The following RYR1 variants were observed in gnomAD, a reference collection of about 807,000 sequenced individuals.
RYR1 encodes ryanodine receptor 1.
Under a neutral mutation model 583.5 loss-of-function variants are expected in RYR1, and 342 were observed. The observed-to-expected ratio is 0.59, with a 90% CI of 0.54 to 0.64. RYR1 has a LOEUF of 0.64. Among genes scored for constraint, RYR1 ranks in the 30% least tolerant of loss-of-function variants. RYR1 has a pLI of 0.00. For missense variants in RYR1, 6,032 were observed against 6,917.2 expected (o/e 0.87, Z 4.54); for synonymous variants, 2,791 against 2,822.5 (o/e 0.99, Z 0.35).
chr19:38,584,731 C>A (rs1033919868), intron 101 of RYR1, among the ~76,000 whole-genome samples: 1 of 148,956 alleles, frequency 6.7e-6, no homozygotes, highest in African/African-American at 2.5e-5. Context: ...CCCAACCTGG[C>A]CCTCACCCCC....
chr19:38,527,644 C>A lies in RYR1; in HGVS notation c.10687-3C>A. The A allele has an allele frequency of 1.2e-6, 2 of 1,614,056 alleles. No homozygotes were observed. The highest frequency in any genetic ancestry group is 1.7e-6 in the Non-Finnish European group (2 of 1,180,010). ...GCCGGCCACTCCTTCTTCCTCCCTT[C>A]AGGTCGAAGGCTCCCCGTCTCTGCG... On this transcript the variant is annotated splice_polypyrimidine_tract_variant and splice_region_variant and intron_variant, in intron 72 of 105. Transcript: ENST00000359596.
At chr19:38,586,335 G>A (rs942125011) in intron 104 of RYR1, 144 bp downstream of exon 104, 6 of 1,103,356 alleles carry the variant, frequency 5.4e-6, no homozygotes, top group Admixed American at 3.9e-5. Flanking sequence ...GAAGGTAAGG[G>A]TGGGGCCCCG....
In RYR1 at chr19:38,561,025, A is replaced by G; in HGVS notation, c.12283-88A>G. 7.9e-7 allele frequency: 1 copy of G among 1,259,228 alleles called. No individual in the cohort carries two copies. The allele number at this position is 1,259,228 out of a possible 1,614,324, so 78.0% of individuals were successfully genotyped here. ...CACTGCACTCCAGCCTGGGCGACACAGCGAGACCTTGTCTTAAAAAAAAAA... is the reference window on the plus strand; with the variant it reads ...CACTGCACTCCAGCCTGGGCGACACGGCGAGACCTTGTCTTAAAAAAAAAA... On this transcript the variant is annotated intron_variant, in intron 89 of 105. Transcript: ENST00000359596. The surrounding 1 kb of genome is among the most constrained non-coding windows in gnomAD (Gnocchi z 4.8).
chr19:38,515,678 G>T (rs182641800), intron 64 of RYR1, among the ~76,000 whole-genome samples: 1 of 151,976 alleles, frequency 6.6e-6, no homozygotes, highest in South Asian at 2.1e-4. Flanking sequence ...GTGTAGTGGC[G>T]CTGGTGCCTG....
At position 38,565,893 on chromosome 19, in the gene RYR1, C is replaced by T. The variant is rs1045179818; in HGVS notation, c.13437+122C>T. The T allele has an allele frequency of 1.7e-6, 2 of 1,144,762 alleles. No individual in the cohort carries two copies. The highest frequency in any genetic ancestry group is 3.2e-5 in the East Asian group (1 of 31,320). The allele number at this position is 1,144,762 out of a possible 1,614,324, so 70.9% of individuals were successfully genotyped here. On this transcript the variant is annotated intron_variant, in intron 91 of 105. Transcript: ENST00000359596. The surrounding 1 kb of genome is among the most constrained non-coding windows in gnomAD (Gnocchi z 4.7). ...CTGGCTAGGGGGATGGGCACACGCACCCACGGAGGACGCACCCATGGAGGA... is the reference window on the plus strand; with the variant it reads ...CTGGCTAGGGGGATGGGCACACGCATCCACGGAGGACGCACCCATGGAGGA...
chr19:38,561,062 G>T lies in RYR1; in HGVS notation c.12283-51G>T. On this transcript the variant is annotated intron_variant, in intron 89 of 105. Coordinates refer to ENST00000359596, the MANE Select transcript of RYR1 (RefSeq NM_000540.3). This position sits in a 1 kb window ranked among gnomAD's most constrained non-coding sequence, Gnocchi z 4.8. ...TCTTAAAAAAAAAAAAAAAAAGAGA[G>T]AGAATTGAGGCTCTCCAGGTCACCC... 5.7e-6 allele frequency: 8 copies of T among 1,406,732 alleles called. No homozygotes were observed. The highest frequency in any genetic ancestry group is 6.9e-6 in the Non-Finnish European group (7 of 1,015,540). 87.1% of individuals were successfully genotyped at this position (1,406,732 alleles called of 1,614,324 possible). A position where few individuals can be genotyped will look rare whatever the true frequency, so the allele number is the denominator to read the frequency against.
intron 70 of RYR1, 136 bp from the exon 71 acceptor site, chr19:38,525,196 A>C (rs762672757): frequency 6.2e-6 from 6 of 963,672 alleles, no homozygotes; most frequent in Non-Finnish European, 9.7e-6. Context: ...TGGGGTGGAA[A>C]TTGAGGTGTC....
chr19:38,452,488 C>T (rs934055990), intron 12 of RYR1, among the ~76,000 whole-genome samples: 17 of 152,220 alleles, frequency 1.1e-4, no homozygotes, highest in Admixed American at 1.1e-3. Context: ...GACCTCTGTA[C>T]ACTTGACCCC....
intron 10 of RYR1, 27 bp downstream of exon 10, chr19:38,448,538 T>C: frequency 6.2e-7 from 1 of 1,613,918 alleles, no homozygotes; most frequent in South Asian, 1.1e-5. Context: ...GCGCCCTCCC[T>C]CACCTGAAGC....
intron 84 of RYR1, among the ~76,000 whole-genome samples, chr19:38,541,143 A>G (rs1972172685): frequency 6.6e-6 from 1 of 152,224 alleles, no homozygotes; most frequent in African/African-American, 2.4e-5. Flanking sequence ...GAGCTTTAAA[A>G]GAGACTTAAG....
chr19:38,502,828 C>A (rs907621960), intron 48 of RYR1, 52 bp from the exon 49 acceptor site: 1 of 1,535,430 alleles, frequency 6.5e-7, no homozygotes, highest in Non-Finnish European at 8.8e-7. Context: ...GGGGCAGGGG[C>A]AGCAGAGCGG....
intron 11 of RYR1, among the ~76,000 whole-genome samples, chr19:38,449,188 G>A (rs187979219): frequency 1.3e-5 from 2 of 152,308 alleles, no homozygotes; most frequent in Non-Finnish European, 2.9e-5. Context: ...GGCCGGGCGT[G>A]GTGGCTCATG....
At position 38,455,218 on chromosome 19, in the gene RYR1, T is replaced by C. The variant is rs1278058899; in HGVS notation, c.1441-17T>C. 6.2e-7 allele frequency: 1 copy of C among 1,613,968 alleles called. No homozygotes were observed. On this transcript the variant is annotated splice_polypyrimidine_tract_variant and intron_variant, in intron 13 of 105. Coordinates refer to ENST00000359596, the MANE Select transcript of RYR1 (RefSeq NM_000540.3). ...CTGGGTCTCCTATTGTGATGCCTCT[T>C]ATTTTCCTCATCCTAGGGGATGCTC...
rs1972858176 is a variant in RYR1, at chr19:38,444,733, G to A, written c.631+56G>A. On this transcript the variant is annotated intron_variant, in intron 7 of 105. Coordinates refer to ENST00000359596, the MANE Select transcript of RYR1 (RefSeq NM_000540.3). This position sits in a 1 kb window ranked among gnomAD's most constrained non-coding sequence, Gnocchi z 5.1. ...GATCCCCCCAAAACAGACCCTTAAT[G>A]TTGCCCTTCAGGCATACCCAAATGG... 1 of 1,366,432 alleles carries A rather than the reference G, an allele frequency of 7.3e-7. No homozygotes were observed. Among genetic ancestry groups the A allele is most frequent in the Non-Finnish European group, 1.0e-6 (1 of 975,656 alleles). 84.6% of individuals were successfully genotyped at this position (1,366,432 alleles called of 1,614,324 possible). A position where few individuals can be genotyped will look rare whatever the true frequency, so the allele number is the denominator to read the frequency against.
chr19:38,448,323 C>T (rs1471744035), intron 9 of RYR1, 32 bp from the exon 10 acceptor site: 2 of 1,597,606 alleles, frequency 1.3e-6, no homozygotes, highest in Non-Finnish European at 1.7e-6. Flanking sequence ...CTGGGGGGTC[C>T]TCTGACTCCC....
intron 101 of RYR1, among the ~76,000 whole-genome samples, chr19:38,583,897 C>G (rs1314317808): frequency 6.6e-6 from 1 of 152,100 alleles, no homozygotes; most frequent in East Asian, 1.9e-4. Flanking sequence ...CAGGCCCTGC[C>G]TCATCTCTCC....
At chr19:38,536,495 A>C in intron 82 of RYR1, among the ~76,000 whole-genome samples, 1 of 147,412 alleles carries the variant, frequency 6.8e-6, no homozygotes. Flanking sequence ...CTATGTCTTC[A>C]TCTCTCTCTC....
At chr19:38,559,469 G>A (rs371792897) in intron 89 of RYR1, among the ~76,000 whole-genome samples, 1 of 151,820 alleles carries the variant, frequency 6.6e-6, no homozygotes, top group East Asian at 1.9e-4. Flanking sequence ...CCTGACCTCA[G>A]GTGATCCACC....
At position 38,473,621 on chromosome 19, in the gene RYR1, C is replaced by T. The variant is rs376532452; in HGVS notation, c.4010C>T (p.Ser1337Leu). ...PDPDYENLRR[S>L]AGGWSEAENG... ...CCTGACTACGAAAACCTGCGCCGCT[C>T]AGCTGGGGGCTGGAGCGAGGCAGAG... The change falls in exon 28 of 106, where the codon TCA becomes TTA. Residue 1337 changes from serine (S) to leucine (L), a missense_variant. By Grantham distance (145) the Ser-to-Leu change is moderately radical (BLOSUM62 -2). Around this residue, in one of 11 missense-constraint regions of RYR1, gnomAD observed 2,627 missense variants for 2,961.3 expected, o/e 0.89. Transcript: ENST00000359596. The T allele has an allele frequency of 1.1e-5, 17 of 1,566,630 alleles. No homozygotes were observed. In the South Asian group the frequency reaches 1.7e-4, roughly 16 times the overall value.
Sources: gnomAD v4.1 joint callset for allele counts (sites outside exome capture counted in the v4.1 genomes callset) on GRCh38, gnomAD v4.1.1 for gene constraint, gnomAD v4.1.1 regional missense constraint, Gnocchi (gnomAD v3.1) non-coding constraint, MANE v1.5 for transcripts, NCBI Gene and HGNC (gene_info 2026-07-23, HGNC 2026-07-21) for gene names.